Variants in TTLL11 observed in about 807,000 individuals in gnomAD.
TTLL11 encodes tubulin polyglutamylase TTLL11.
TTLL11 carries 42 observed loss-of-function variants against 51.7 expected under a neutral mutation model. That is an observed-to-expected ratio of 0.81 (90% CI 0.64 to 1.05). The LOEUF (loss-of-function observed/expected upper bound fraction) is 1.05, where lower values mean the gene tolerates loss of function less well. Among genes scored for constraint, TTLL11 ranks in the 50% least tolerant of loss-of-function variants. The pLI, the probability that TTLL11 is intolerant of heterozygous loss-of-function variation, is 0.00. For missense variants in TTLL11, 799 were observed against 940.4 expected (o/e 0.85, Z 1.97); for synonymous variants, 381 against 383.5 (o/e 0.99, Z 0.08).
chr9:122,007,167 C>T (rs1438664917), intron 3 of TTLL11, among the ~76,000 whole-genome samples: 1 of 151,982 alleles, frequency 6.6e-6, no homozygotes, highest in Non-Finnish European at 1.5e-5. Flanking sequence ...AATGACACCC[C>T]TGTAGCAATA....
intron 8 of TTLL11, among the ~76,000 whole-genome samples, chr9:121,825,543 T>C (rs1836726973): frequency 6.6e-6 from 1 of 152,188 alleles, no homozygotes; most frequent in African/African-American, 2.4e-5. Context: ...GGCTCAGGCG[T>C]CTTGTCCAGG....
intron 8 of TTLL11, among the ~76,000 whole-genome samples, chr9:121,841,353 C>A (rs1837340094): frequency 6.6e-6 from 1 of 152,168 alleles, no homozygotes; most frequent in African/African-American, 2.4e-5. Context: ...AGCGCCCATT[C>A]AGAACAGAAC....
At position 121,819,771 on chromosome 9, in the gene TTLL11, A is replaced by G. The variant is rs530752198; in HGVS notation, c.*2816T>C. On this transcript the variant is annotated 3_prime_UTR_variant, in exon 9 of 9. Transcript: ENST00000321582. ...GCTCTACTTCCTATCTTCTCGGAGG[A>G]AGGAACCATCTGCTTTTGCTATCGT... Among the ~76,000 whole-genome samples, 18 of 152,224 alleles carry G rather than the reference A, an allele frequency of 1.2e-4. No homozygotes were observed. The highest frequency in any genetic ancestry group is 2.6e-4 in the Non-Finnish European group (18 of 68,008).
intron 4 of TTLL11, among the ~76,000 whole-genome samples, chr9:121,977,817 G>T (rs1239680826): frequency 6.6e-6 from 1 of 151,836 alleles, no homozygotes; most frequent in African/African-American, 2.4e-5. Flanking sequence ...TGGGATTACA[G>T]ACACGTGCCC....
chr9:121,978,091 T>C (rs572835724), intron 4 of TTLL11, among the ~76,000 whole-genome samples: 2 of 152,342 alleles, frequency 1.3e-5, no homozygotes, highest in African/African-American at 4.8e-5. Context: ...CAAATAAAGA[T>C]AATGCAATAT....
At chr9:121,947,383 C>T (rs1455488541) in intron 6 of TTLL11, among the ~76,000 whole-genome samples, 2 of 152,156 alleles carry the variant, frequency 1.3e-5, no homozygotes, top group Non-Finnish European at 2.9e-5. Flanking sequence ...TTTCAGGAAG[C>T]AGCTGTATCA....
intron 7 of TTLL11, among the ~76,000 whole-genome samples, chr9:121,869,200 G>A (rs1838269335): frequency 6.6e-6 from 1 of 152,158 alleles, no homozygotes; most frequent in African/African-American, 2.4e-5. Context: ...TACTTCAGGT[G>A]TACTGAAACG....
At chr9:122,076,878 A>T (rs1845875222) in intron 1 of TTLL11, among the ~76,000 whole-genome samples, 1 of 152,186 alleles carries the variant, frequency 6.6e-6, no homozygotes, top group South Asian at 2.1e-4. Context: ...CTCACCTAGA[A>T]ATGTCTTACT....
At chr9:121,961,873 T>C (rs532397178) in intron 6 of TTLL11, among the ~76,000 whole-genome samples, 13 of 152,130 alleles carry the variant, frequency 8.5e-5, no homozygotes, top group South Asian at 2.1e-4. Flanking sequence ...CTGGCCAACA[T>C]GGTGAAACCC....
chr9:122,004,978 T>G (rs1472574349), intron 3 of TTLL11, among the ~76,000 whole-genome samples: 1 of 152,184 alleles, frequency 6.6e-6, no homozygotes, highest in African/African-American at 2.4e-5. Flanking sequence ...TTTTGGCATT[T>G]CTAAAGGGTT....
chr9:121,834,005 T>A (rs1488463098), intron 8 of TTLL11, among the ~76,000 whole-genome samples: 1 of 152,166 alleles, frequency 6.6e-6, no homozygotes, highest in Non-Finnish European at 1.5e-5. Flanking sequence ...ATCGTACAAT[T>A]CTAAATGTAT....
chr9:121,868,303 G>A (rs1431741769), intron 7 of TTLL11, among the ~76,000 whole-genome samples: 1 of 152,172 alleles, frequency 6.6e-6, no homozygotes, highest in Non-Finnish European at 1.5e-5. Flanking sequence ...CAAAGGGGCA[G>A]AGCCTGCCTA....
chr9:121,874,756 ATTTT>A (rs35998915), intron 6 of TTLL11, among the ~76,000 whole-genome samples: 4 of 137,580 alleles, frequency 2.9e-5, no homozygotes, highest in South Asian at 2.4e-4. Flanking sequence ...CAGAGGCATA[ATTTT>A]TTTTTTTTTT....
At chr9:121,887,827 C>G (rs1335029946) in intron 6 of TTLL11, among the ~76,000 whole-genome samples, 1 of 152,166 alleles carries the variant, frequency 6.6e-6, no homozygotes, top group Non-Finnish European at 1.5e-5. Context: ...AGCTCCTTCC[C>G]TCGGCACACA....
intron 4 of TTLL11, among the ~76,000 whole-genome samples, chr9:121,982,636 G>A (rs774951609): frequency 6.7e-6 from 1 of 149,132 alleles, no homozygotes; most frequent in Middle Eastern, 3.6e-3. Flanking sequence ...CAGGAGAATC[G>A]CTTGAACCCA....
intron 6 of TTLL11, among the ~76,000 whole-genome samples, chr9:121,964,260 C>A (rs1227062523): frequency 6.6e-6 from 1 of 151,664 alleles, no homozygotes; most frequent in African/African-American, 2.4e-5. Flanking sequence ...AAATCACACA[C>A]AAAAACAAGC....
Position 121,870,477 on chromosome 9 carries a change from A to AC in TTLL11, c.1733+19_1733+20insG. 2 of 1,548,066 alleles carry AC rather than the reference A, an allele frequency of 1.3e-6. No homozygotes were observed. The highest frequency in any genetic ancestry group is 1.7e-6 in the Non-Finnish European group (2 of 1,144,910). ...CCACCCAGCCCAAAGCCCAAGCCAG[A>AC]GGGGGCTGTTCTCACTGACCTTATG... is the stretch of plus-strand genomic sequence containing the variant. On this transcript the variant is annotated intron_variant, in intron 7 of 8. Transcript: ENST00000321582.
At chr9:121,871,913 T>C (rs915978886) in intron 6 of TTLL11, among the ~76,000 whole-genome samples, 2 of 152,234 alleles carry the variant, frequency 1.3e-5, no homozygotes, top group East Asian at 1.9e-4. Context: ...TTCCCACTCC[T>C]GGGTCCTATC....
chr9:121,866,768 G>C (rs1838191294), intron 7 of TTLL11, among the ~76,000 whole-genome samples: 1 of 152,140 alleles, frequency 6.6e-6, no homozygotes, highest in African/African-American at 2.4e-5. Flanking sequence ...ACATTTGTTG[G>C]GAAGGGAGGG....
Sources: allele counts gnomAD v4.1 joint callset (sites outside exome capture counted in the v4.1 genomes callset), GRCh38; gene constraint gnomAD v4.1.1; transcripts MANE v1.5; gene names NCBI Gene and HGNC (gene_info 2026-07-23, HGNC 2026-07-21).